Variants in ZCWPW2 observed in about 807,000 individuals in gnomAD.
The protein encoded by ZCWPW2 is zinc finger CW-type PWWP domain protein 2.
A neutral mutation model predicts 46.6 loss-of-function variants in ZCWPW2; 45 were observed. That is an observed-to-expected ratio of 0.96 (90% CI 0.76 to 1.24). The LOEUF (loss-of-function observed/expected upper bound fraction) is 1.24. Ranked by LOEUF, ZCWPW2 falls within the 50% of genes most tolerant of loss-of-function variation. ZCWPW2 has a pLI of 0.00. For synonymous variants in ZCWPW2, 152 were observed against 137.1 expected (o/e 1.11, Z -0.76); for missense variants, 429 against 403.9 (o/e 1.06, Z -0.53).
chr3:28,381,008 ATATATATATATATTTGG>A (rs1695066500), intron 1 of ZCWPW2, among the ~76,000 whole-genome samples: 1 of 39,438 alleles, frequency 2.5e-5, no homozygotes, highest in Non-Finnish European at 4.8e-5. Flanking sequence ...TGGTATATAT[ATATATATATATATTTGG>A]TATATATATA....
At chr3:28,422,298 A>G (rs925570449) in intron 3 of ZCWPW2, among the ~76,000 whole-genome samples, 1 of 152,324 alleles carries the variant, frequency 6.6e-6, no homozygotes, top group African/African-American at 2.4e-5. Flanking sequence ...TGACAAATGT[A>G]TAATGACATG....
rs192820780 is a variant in ZCWPW2, at chr3:28,363,878, C to G, written c.-134+14675C>G. On this transcript the variant is annotated intron_variant, in intron 1 of 9. Transcript: ENST00000383768. Reference sequence around the variant, plus strand: ...CTGATCCTACTCCTTCCTCATCTAGCCCTCTGTGGTGGTGGACATTCCCTC... The same window carrying G: ...CTGATCCTACTCCTTCCTCATCTAGGCCTCTGTGGTGGTGGACATTCCCTC... Among the ~76,000 whole-genome samples, 310 of 152,264 alleles carry G rather than the reference C, an allele frequency of 2.0e-3. 1 individual carries two copies. The highest frequency in any genetic ancestry group is 3.4e-3 in the Middle Eastern group (1 of 294).
chr3:28,448,223 A>T (rs952564561), intron 4 of ZCWPW2: 4 of 158,744 alleles, frequency 2.5e-5, no homozygotes, highest in Non-Finnish European at 4.2e-5. Flanking sequence ...AAAAAATTAG[A>T]ACTAATAAGT....
intron 1 of ZCWPW2, among the ~76,000 whole-genome samples, chr3:28,365,583 T>G (rs1449036075): frequency 7.1e-6 from 1 of 141,188 alleles, no homozygotes; most frequent in Non-Finnish European, 1.6e-5. Flanking sequence ...GGTAGCGTGA[T>G]GCCTCCAGCT....
chr3:28,459,325 G>T (rs1329008101), intron 4 of ZCWPW2, among the ~76,000 whole-genome samples: 1 of 151,818 alleles, frequency 6.6e-6, no homozygotes. Flanking sequence ...AGCCAAGATT[G>T]CGCCACTGCA....
chr3:28,355,869 A>G (rs567859109), intron 1 of ZCWPW2, among the ~76,000 whole-genome samples: 2 of 152,384 alleles, frequency 1.3e-5, no homozygotes, highest in African/African-American at 4.8e-5. Flanking sequence ...TAAAGGTTTA[A>G]ATGTCAGTCC....
intron 4 of ZCWPW2, among the ~76,000 whole-genome samples, chr3:28,477,818 G>C (rs1272207605): frequency 6.6e-6 from 1 of 151,872 alleles, no homozygotes; most frequent in African/African-American, 2.4e-5. Flanking sequence ...CCTTTTGCTG[G>C]TATTCAAAAT....
intron 4 of ZCWPW2, among the ~76,000 whole-genome samples, chr3:28,455,704 G>T (rs1490294138): frequency 1.3e-5 from 2 of 152,000 alleles, no homozygotes; most frequent in Non-Finnish European, 2.9e-5. Context: ...TCTAGATATG[G>T]CTAGCCAGTT....
chr3:28,381,768 A>C (rs750883076), intron 1 of ZCWPW2, among the ~76,000 whole-genome samples: 5 of 152,162 alleles, frequency 3.3e-5, no homozygotes, highest in South Asian at 2.1e-4. Context: ...CCTGGGCAAC[A>C]GAGAGAACCC....
intron 1 of ZCWPW2, among the ~76,000 whole-genome samples, chr3:28,373,319 T>TCC (rs1705400481): frequency 6.6e-6 from 1 of 152,190 alleles, no homozygotes; most frequent in African/African-American, 2.4e-5. Flanking sequence ...CCAGCATTTG[T>TCC]TATTTTTTGT....
At chr3:28,391,594 G>A (rs1695494380) in intron 2 of ZCWPW2, among the ~76,000 whole-genome samples, 1 of 152,202 alleles carries the variant, frequency 6.6e-6, no homozygotes, top group South Asian at 2.1e-4. Context: ...AGTATCAGCA[G>A]TGTGGCTTAT....
chr3:28,520,827 A>G lies in ZCWPW2; in HGVS notation c.785-165A>G, dbSNP rs535527177. 2.6e-5 allele frequency among the ~76,000 whole-genome samples: 4 copies of G among 152,372 alleles called. 1 individual carries two copies. Among genetic ancestry groups the G allele is most frequent in the African/African-American group, 9.6e-5 (4 of 41,596 alleles). ...GTAAAAGACTCACCTTGAAATTCAT[A>G]ATAATTTTGTATCAGGAAGAAGTCA... On this transcript the variant is annotated intron_variant, in intron 8 of 9. Transcript: ENST00000383768.
intron 4 of ZCWPW2, among the ~76,000 whole-genome samples, chr3:28,472,738 T>C (rs1300699414): frequency 6.6e-6 from 1 of 152,020 alleles, no homozygotes; most frequent in Non-Finnish European, 1.5e-5. Context: ...AACATCAAGT[T>C]AAAAAACTTC....
At chr3:28,483,351 G>A (rs79636052) in intron 5 of ZCWPW2, among the ~76,000 whole-genome samples, 20 of 152,054 alleles carry the variant, frequency 1.3e-4, no homozygotes, top group Admixed American at 1.3e-3. Flanking sequence ...CTATTTGTCT[G>A]TTCTTTTGCC....
At chr3:28,364,209 A>T (rs555200242) in intron 1 of ZCWPW2, among the ~76,000 whole-genome samples, 34 of 152,344 alleles carry the variant, frequency 2.2e-4, no homozygotes, top group African/African-American at 8.2e-4. Context: ...CACTTTGGAA[A>T]GTAATTGGCA....
intron 1 of ZCWPW2, among the ~76,000 whole-genome samples, chr3:28,349,887 G>GTTT (rs1704473174): frequency 6.6e-6 from 1 of 152,004 alleles, no homozygotes; most frequent in Non-Finnish European, 1.5e-5. Context: ...TCACTCAAGG[G>GTTT]TTTATATGAA....
chr3:28,466,955 A>G (rs1233193312), intron 4 of ZCWPW2, among the ~76,000 whole-genome samples: 2 of 152,160 alleles, frequency 1.3e-5, no homozygotes, highest in Non-Finnish European at 2.9e-5. Flanking sequence ...CTTTTGACAA[A>G]CTAATTATAA....
At chr3:28,388,564 A>G (rs1014575470) in intron 1 of ZCWPW2, among the ~76,000 whole-genome samples, 3 of 152,226 alleles carry the variant, frequency 2.0e-5, no homozygotes, top group Admixed American at 6.5e-5. Flanking sequence ...CTTAAATACT[A>G]TGACATAAAG....
At chr3:28,399,539 C>T (rs1016723285) in intron 2 of ZCWPW2, among the ~76,000 whole-genome samples, 10 of 152,170 alleles carry the variant, frequency 6.6e-5, no homozygotes, top group Non-Finnish European at 1.2e-4. Context: ...ATTTCATCCC[C>T]CTGCCATCCA....
Sources: gnomAD v4.1 joint callset for allele counts (sites outside exome capture counted in the v4.1 genomes callset) on GRCh38, gnomAD v4.1.1 for gene constraint, MANE v1.5 for transcripts, NCBI Gene and HGNC (gene_info 2026-07-23, HGNC 2026-07-21) for gene names.